The following XPR1 variants were observed in gnomAD, a reference collection of about 807,000 sequenced individuals.
XPR1 encodes the protein xenotropic and polytropic retrovirus receptor 1.
Under a neutral mutation model 87.5 loss-of-function variants are expected in XPR1, and 28 were observed. That is an observed-to-expected ratio of 0.32 (90% CI 0.24 to 0.44). The LOEUF is 0.44. XPR1 is among the 20% of genes least tolerant of loss of function. XPR1 has a pLI of 1.00. For missense variants in XPR1, 559 were observed against 862.3 expected (o/e 0.65, Z 4.41); for synonymous variants, 300 against 306.1 (o/e 0.98, Z 0.21).
chr1:180,821,683 G>A (rs1650629100), intron 7 of XPR1, among the ~76,000 whole-genome samples: 1 of 152,042 alleles, frequency 6.6e-6, no homozygotes, highest in Admixed American at 6.6e-5. Flanking sequence ...CATGAACACA[G>A]GATTCTTTTC....
chr1:180,836,655 T>G lies in XPR1; in HGVS notation c.1440T>G (p.Ala480=). 6.2e-7 allele frequency: 1 copy of G among 1,614,200 alleles called. No individual in the cohort carries two copies. The highest frequency in any genetic ancestry group is 8.5e-7 in the Non-Finnish European group (1 of 1,180,030). The change falls in exon 11 of 15, where the codon GCT becomes GCG. Residue 480 remains alanine (A), a synonymous_variant. Transcript: ENST00000367590. ...TKRAFPHLVN[A]GKYSTTFFMV... ...GGGCCTTTCCTCATTTAGTTAATGCTGGCAAATACTCCACAACTTTCTTCA... is the reference window on the plus strand; with the variant it reads ...GGGCCTTTCCTCATTTAGTTAATGCGGGCAAATACTCCACAACTTTCTTCA...
intron 11 of XPR1, among the ~76,000 whole-genome samples, chr1:180,854,299 G>A (rs181654411): frequency 1.6e-4 from 24 of 152,364 alleles, no homozygotes; most frequent in Admixed American, 1.4e-3. Flanking sequence ...TTACAAAGGG[G>A]AGAGGTTGGA....
At chr1:180,808,911 T>C (rs973374207) in intron 6 of XPR1, among the ~76,000 whole-genome samples, 2 of 152,186 alleles carry the variant, frequency 1.3e-5, no homozygotes, top group African/African-American at 4.8e-5. Context: ...TGCCATATGG[T>C]CTAGCTATTA....
At chr1:180,679,559 T>G (rs1656491951) in intron 1 of XPR1, among the ~76,000 whole-genome samples, 1 of 152,198 alleles carries the variant, frequency 6.6e-6, no homozygotes, top group Admixed American at 6.5e-5. Flanking sequence ...GCTATGGATA[T>G]CCTCATCCAC....
At chr1:180,669,175 A>C (rs1656069258) in intron 1 of XPR1, among the ~76,000 whole-genome samples, 1 of 152,108 alleles carries the variant, frequency 6.6e-6, no homozygotes. Flanking sequence ...ATGCACTTGA[A>C]AAGAATGCAT....
chr1:180,680,276 C>T (rs906931461), intron 1 of XPR1, among the ~76,000 whole-genome samples: 3 of 149,460 alleles, frequency 2.0e-5, no homozygotes, highest in African/African-American at 7.4e-5. Context: ...AAAAAGAAGT[C>T]TTATACTCGG....
intron 7 of XPR1, among the ~76,000 whole-genome samples, chr1:180,816,882 T>G (rs779190635): frequency 6.6e-6 from 1 of 152,200 alleles, no homozygotes; most frequent in Non-Finnish European, 1.5e-5. Context: ...GAGTTAATTG[T>G]AAAACAGCCT....
At chr1:180,690,154 T>TAA (rs762817354) in intron 2 of XPR1, among the ~76,000 whole-genome samples, 8 of 129,196 alleles carry the variant, frequency 6.2e-5, no homozygotes, top group African/African-American at 2.9e-5. Flanking sequence ...AGACTCTGTC[T>TAA]AAAAAAAAAA....
chr1:180,788,604 A>G (rs1045613244), intron 3 of XPR1, among the ~76,000 whole-genome samples: 2 of 152,166 alleles, frequency 1.3e-5, no homozygotes, highest in Non-Finnish European at 2.9e-5. Flanking sequence ...ACAGCCTAAT[A>G]GCTGGAATAC....
Position 180,886,207 on chromosome 1 carries a change from T to A in XPR1, c.*2141T>A, listed in dbSNP as rs954059537. The A allele has an allele frequency of 2.6e-5, 4 of 152,246 alleles. No homozygotes were observed. The highest frequency in any genetic ancestry group is 9.6e-5 in the African/African-American group (4 of 41,470). The allele number at this position is 152,246 out of a possible 1,614,324, so 9.4% of individuals were successfully genotyped here. On this transcript the variant is annotated 3_prime_UTR_variant, in exon 15 of 15. Coordinates refer to ENST00000367590, the MANE Select transcript of XPR1 (RefSeq NM_004736.4). The stretch of plus-strand genomic sequence containing the variant: ...TGAGATTTTTTTCCCCTAACTATTC[T>A]GTTTTTTGTACTTTAAAACTATGGG...
At chr1:180,807,374 A>G (rs577660401) in intron 6 of XPR1, among the ~76,000 whole-genome samples, 41 of 152,362 alleles carry the variant, frequency 2.7e-4, no homozygotes, top group African/African-American at 9.4e-4. Context: ...GTTGCCAAAT[A>G]CAAGACCAAT....
At chr1:180,697,565 T>G (rs1453110767) in intron 2 of XPR1, among the ~76,000 whole-genome samples, 1 of 152,100 alleles carries the variant, frequency 6.6e-6, no homozygotes, top group Non-Finnish European at 1.5e-5. Context: ...ATCCCTCTAC[T>G]TGTTTGATAT....
chr1:180,802,080 G>A (rs1490733876), intron 3 of XPR1, among the ~76,000 whole-genome samples: 1 of 151,288 alleles, frequency 6.6e-6, no homozygotes, highest in Non-Finnish European at 1.5e-5. Context: ...ACAAGCATGA[G>A]CCATTGCACC....
At chr1:180,653,961 A>C (rs1398271293) in intron 1 of XPR1, among the ~76,000 whole-genome samples, 2 of 152,166 alleles carry the variant, frequency 1.3e-5, no homozygotes, top group Non-Finnish European at 2.9e-5. Context: ...TTGGTTGACC[A>C]TGGGTAACTG....
intron 1 of XPR1, among the ~76,000 whole-genome samples, chr1:180,678,646 CAT>C (rs138174340): frequency 0.013 from 1,917 of 152,166 alleles, 31 homozygotes; most frequent in African/African-American, 0.044. Flanking sequence ...TTTAATAAAA[CAT>C]TGGTTAAAAT....
At chr1:180,842,994 A>T (rs564871422) in intron 11 of XPR1, among the ~76,000 whole-genome samples, 1 of 152,210 alleles carries the variant, frequency 6.6e-6, no homozygotes, top group Admixed American at 6.5e-5. Flanking sequence ...TTGTTTTCCA[A>T]TGCCCAGATC....
At chr1:180,722,066 C>G (rs1176633121) in intron 2 of XPR1, among the ~76,000 whole-genome samples, 3 of 151,754 alleles carry the variant, frequency 2.0e-5, no homozygotes, top group African/African-American at 7.3e-5. Context: ...AGTTGAAAAC[C>G]ATCCTGGGCA....
chr1:180,846,965 C>A (rs1651706813), intron 11 of XPR1, among the ~76,000 whole-genome samples: 1 of 151,824 alleles, frequency 6.6e-6, no homozygotes, highest in Admixed American at 6.6e-5. Flanking sequence ...CTCCTGTGGG[C>A]TCCTCAGGCC....
intron 1 of XPR1, among the ~76,000 whole-genome samples, chr1:180,659,402 TC>T: frequency 9.2e-6 from 1 of 109,082 alleles, no homozygotes; most frequent in Admixed American, 8.5e-5. Flanking sequence ...CTTCCTTCCT[TC>T]CTTCCTTCCT....
Sources: gnomAD v4.1 joint callset for allele counts (sites outside exome capture counted in the v4.1 genomes callset) on GRCh38, gnomAD v4.1.1 for gene constraint, MANE v1.5 for transcripts, NCBI Gene and HGNC (gene_info 2026-07-23, HGNC 2026-07-21) for gene names.